Variants in LRRN2 observed in about 807,000 individuals in gnomAD.
LRRN2 encodes the protein leucine-rich repeat neuronal protein 2.
Under a neutral mutation model 35.7 loss-of-function variants are expected in LRRN2, and 10 were observed. The observed-to-expected ratio is 0.28, with a 90% confidence interval of 0.17 to 0.47. The LOEUF (loss-of-function observed/expected upper bound fraction) is 0.47, where lower values mean the gene tolerates loss of function less well. Ranked by LOEUF, LRRN2 falls within the 20% of genes least tolerant of loss-of-function variation. LRRN2 has a pLI of 0.99. For missense variants in LRRN2, 731 were observed against 940.3 expected, an observed-to-expected ratio of 0.78 and a Z score of 2.91; for synonymous variants, 391 against 409.6, an observed-to-expected ratio of 0.95 and a Z score of 0.55.
At chr1:204,679,016 A>C (rs567381850) in intron 1 of LRRN2, among the ~76,000 whole-genome samples, 1 of 152,316 alleles carries the variant, frequency 6.6e-6, no homozygotes, top group East Asian at 1.9e-4. Context: ...AAGAGACTCC[A>C]GCCCCATCCC....
At chr1:204,625,917 C>G (rs1000955860) in intron 1 of LRRN2, among the ~76,000 whole-genome samples, 1 of 152,264 alleles carries the variant, frequency 6.6e-6, no homozygotes, top group African/African-American at 2.4e-5. Context: ...GGGCCCAGCT[C>G]TGGCCAGCAT....
rs1415096259 is a variant in LRRN2 at position 204,685,714 on chromosome 1, C to CG, written c.-622dup. On this transcript the variant is annotated 5_prime_UTR_variant, in exon 1 of 2. Transcript: ENST00000367177. ...CGGCTTCGCGCTCGCCCTCCTCACT[C>CG]GCTTCTCCGCCGCTCTCCCAACCTC... 3 of 152,336 alleles carry CG rather than the reference C, an allele frequency of 2.0e-5. No individual in the cohort carries two copies. In the East Asian group the frequency reaches 5.8e-4, roughly 29 times the overall value. 9.4% of individuals were successfully genotyped at this position (152,336 alleles called of 1,614,324 possible).
At chr1:204,644,861 T>C (rs1033490968) in intron 1 of LRRN2, among the ~76,000 whole-genome samples, 2 of 152,174 alleles carry the variant, frequency 1.3e-5, no homozygotes, top group African/African-American at 4.8e-5. Flanking sequence ...AAGCTTCCTG[T>C]AAAGGTAGCA....
intron 1 of LRRN2, among the ~76,000 whole-genome samples, chr1:204,622,403 C>T (rs917827480): frequency 6.6e-6 from 1 of 152,202 alleles, no homozygotes; most frequent in Admixed American, 6.5e-5. Flanking sequence ...ACACAGCAAG[C>T]CTATTTACAT....
chr1:204,627,705 C>T (rs962094309), intron 1 of LRRN2, among the ~76,000 whole-genome samples: 1 of 152,254 alleles, frequency 6.6e-6, no homozygotes, highest in Non-Finnish European at 1.5e-5. Flanking sequence ...CAGGCTGCAT[C>T]TCACTGCCGC....
intron 1 of LRRN2, among the ~76,000 whole-genome samples, chr1:204,680,948 CAGAG>C (rs1205108234): frequency 6.6e-6 from 1 of 151,882 alleles, no homozygotes; most frequent in East Asian, 1.9e-4. Flanking sequence ...AAACAGCAAA[CAGAG>C]AGTCACTTTT....
chr1:204,681,852 T>C (rs1668963762), intron 1 of LRRN2, among the ~76,000 whole-genome samples: 1 of 152,220 alleles, frequency 6.6e-6, no homozygotes, highest in Non-Finnish European at 1.5e-5. Context: ...TGCATATCTC[T>C]TGTCTTCGGT....
chr1:204,618,390 C>T lies in LRRN2; in HGVS notation c.1603G>A (p.Glu535Lys), dbSNP rs1445253220. 1 of 1,611,790 alleles carries T rather than the reference C, an allele frequency of 6.2e-7. No individual in the cohort carries two copies. Among genetic ancestry groups the T allele is most frequent in the Non-Finnish European group, 8.5e-7 (1 of 1,178,498 alleles). ...EGQGLELRVQETHPYHILLSW... is the reference protein window; with the variant it reads ...EGQGLELRVQKTHPYHILLSW... ...AGCAGGATGTGATAGGGGTGGGTCT[C>T]CTGCACCCGGAGCTCCAGCCCCTGT... The change falls in exon 2 of 2, where the codon GAG (glutamate) becomes AAG (lysine). Residue 535 changes from glutamate (E) to lysine (K), a missense_variant. Around this residue, in one of 3 missense-constraint regions of LRRN2, gnomAD observed 229 missense variants for 258.4 expected, o/e 0.89. Coordinates refer to ENST00000367177, the MANE Select transcript of LRRN2 (RefSeq NM_201630.2).
chr1:204,660,980 T>G (rs951159366), intron 1 of LRRN2, among the ~76,000 whole-genome samples: 4 of 152,112 alleles, frequency 2.6e-5, no homozygotes, highest in African/African-American at 9.7e-5. Flanking sequence ...GAAGCACTAA[T>G]GCTTGGAGGA....
At chr1:204,667,871 G>A (rs1668606498) in intron 1 of LRRN2, among the ~76,000 whole-genome samples, 1 of 152,196 alleles carries the variant, frequency 6.6e-6, no homozygotes, top group African/African-American at 2.4e-5. Context: ...AGGCAGTGAG[G>A]GCTGGAGGAA....
Position 204,617,670 on chromosome 1 carries a change from C to T in LRRN2, c.*181G>A. 1.4e-6 allele frequency: 1 copy of T among 690,408 alleles called. No individual in the cohort carries two copies. The highest frequency in any genetic ancestry group is 2.5e-6 in the Non-Finnish European group (1 of 405,140). The allele number at this position is 690,408 out of a possible 1,614,324, so 42.8% of individuals were successfully genotyped here. A position where few individuals can be genotyped will look rare whatever the true frequency, so the allele number is the denominator to read the frequency against. On this transcript the variant is annotated 3_prime_UTR_variant, in exon 2 of 2. Coordinates refer to ENST00000367177, the MANE Select transcript of LRRN2 (RefSeq NM_201630.2). ...AGGTGACCCTAGGAGGTAAGGGCAA[C>T]TTTTTCGAGGCTGCAGAAGCACCCC...
chr1:204,634,980 G>A (rs1235132443), intron 1 of LRRN2, among the ~76,000 whole-genome samples: 2 of 152,186 alleles, frequency 1.3e-5, no homozygotes, highest in Non-Finnish European at 2.9e-5. Context: ...TATGCATGGT[G>A]AGCTGAGAAG....
chr1:204,668,322 T>C (rs2815828), intron 1 of LRRN2, among the ~76,000 whole-genome samples: 105,135 of 152,080 alleles, frequency 0.69, 37,973 homozygotes, highest in Non-Finnish European at 0.8. Context: ...AGGCCAGGTG[T>C]GGTGACTCAC....
At chr1:204,678,011 C>T (rs867236910) in intron 1 of LRRN2, among the ~76,000 whole-genome samples, 2 of 152,110 alleles carry the variant, frequency 1.3e-5, no homozygotes, top group African/African-American at 4.8e-5. Flanking sequence ...CCAAGTTCTC[C>T]GTGCGAGAAT....
chr1:204,668,951 G>A (rs185191002), intron 1 of LRRN2, among the ~76,000 whole-genome samples: 1 of 152,212 alleles, frequency 6.6e-6, no homozygotes, highest in East Asian at 1.9e-4. Flanking sequence ...AGTCTCCCAA[G>A]TAGCTGGAAC....
In LRRN2 at chr1:204,624,755, ACCC is replaced by A. The variant is rs11306645; in HGVS notation, c.-226-4540_-226-4538del. Among the ~76,000 whole-genome samples, 60 of 107,610 alleles carry A rather than the reference ACCC, an allele frequency of 5.6e-4. No individual in the cohort carries two copies. In the South Asian group the frequency reaches 6.7e-3, roughly 12 times the overall value. 70.6% of individuals were successfully genotyped at this position (107,610 alleles called of 152,430 possible). A position where few individuals can be genotyped will look rare whatever the true frequency, so the allele number is the denominator to read the frequency against. On this transcript the variant is annotated intron_variant, in intron 1 of 1. Coordinates refer to ENST00000367177, the MANE Select transcript of LRRN2 (RefSeq NM_201630.2). ...TCCTCTCCCTGGCGGTTCCCCCCCC[ACCC>A]CCCCCCCCGGGAGCTGAGGGTCCAG...
chr1:204,657,879 C>CTTCAAGTT (rs1668393813), intron 1 of LRRN2, among the ~76,000 whole-genome samples: 1 of 150,282 alleles, frequency 6.7e-6, no homozygotes, highest in Admixed American at 6.6e-5. Context: ...TATTTCCTTT[C>CTTCAAGTT]TTCAAGTTTT....
At chr1:204,665,262 A>G (rs1297808574) in intron 1 of LRRN2, among the ~76,000 whole-genome samples, 1 of 152,204 alleles carries the variant, frequency 6.6e-6, no homozygotes, top group Non-Finnish European at 1.5e-5. Flanking sequence ...GCGCAATCCC[A>G]CATGGCTCGC....
At chr1:204,670,266 C>G (rs1668679209) in intron 1 of LRRN2, among the ~76,000 whole-genome samples, 1 of 152,106 alleles carries the variant, frequency 6.6e-6, no homozygotes, top group Non-Finnish European at 1.5e-5. Flanking sequence ...AAGGGAAGAG[C>G]TGACAGTGAC....
Sources: gnomAD v4.1 joint callset for allele counts (sites outside exome capture counted in the v4.1 genomes callset) on GRCh38, gnomAD v4.1.1 for gene constraint, gnomAD v4.1.1 regional missense constraint, MANE v1.5 for transcripts, NCBI Gene and HGNC (gene_info 2026-07-23, HGNC 2026-07-21) for gene names.